DBT: variants seen among roughly 807,000 people sequenced by gnomAD.
DBT encodes dihydrolipoamide branched chain transacylase E2.
Under a neutral mutation model 51.3 loss-of-function variants are expected in DBT, and 40 were observed. The observed-to-expected ratio is 0.78, with a 90% CI of 0.61 to 1.02. The LOEUF is 1.02. DBT is among the 50% of genes least tolerant of loss of function. The pLI is 0.00. For missense variants in DBT, 510 were observed against 580.2 expected (o/e 0.88, Z 1.24); for synonymous variants, 181 against 190.4 (o/e 0.95, Z 0.41).
chr1:100,212,327 A>T (rs779420602), intron 7 of DBT, among the ~76,000 whole-genome samples: 3 of 152,118 alleles, frequency 2.0e-5, no homozygotes, highest in Non-Finnish European at 4.4e-5. Context: ...ATGCTGGCTC[A>T]TCCCTGTAAG....
At chr1:100,207,475 T>G (rs2100781676) in intron 8 of DBT, among the ~76,000 whole-genome samples, 1 of 152,228 alleles carries the variant, frequency 6.6e-6, no homozygotes, top group Non-Finnish European at 1.5e-5. Flanking sequence ...GTTCTCATTT[T>G]ATAATATTTA....
rs775090357 is a variant in DBT, at chr1:100,206,264, G to C, written c.1247C>G (p.Pro416Arg). ...GTFAKPVIMP[P>R]EVAIGALGSI... ...TCCAAGGGCCCCAATGGCTACTTCA[G>C]GTGGCATTATCACTGGTTTGGCAAA... The change falls in exon 10 of 11, where the codon CCT becomes CGT. Residue 416 changes from proline (P) to arginine (R), a missense_variant. Pro to Arg is a moderately radical substitution (Grantham distance 103). Coordinates refer to ENST00000370132, the MANE Select transcript of DBT (RefSeq NM_001918.5). The C allele has an allele frequency of 6.2e-7, 1 of 1,612,290 alleles. No homozygotes were observed. The highest frequency in any genetic ancestry group is 8.5e-7 in the Non-Finnish European group (1 of 1,179,368).
intron 4 of DBT, among the ~76,000 whole-genome samples, chr1:100,226,903 T>G (rs554826835): frequency 1.5e-3 from 221 of 152,352 alleles, no homozygotes; most frequent in African/African-American, 5.2e-3. Context: ...ATGAAATCAG[T>G]TGAAATACTG....
At position 100,190,282 on chromosome 1, in the gene DBT, T is replaced by C. The variant is rs1660750031; in HGVS notation, c.*5973A>G. 6.6e-6 allele frequency: 1 copy of C among 152,192 alleles called. No individual in the cohort carries two copies. The highest frequency in any genetic ancestry group is 2.4e-5 in the African/African-American group (1 of 41,438). 9.4% of individuals were successfully genotyped at this position (152,192 alleles called of 1,614,324 possible). A position where few individuals can be genotyped will look rare whatever the true frequency, so the allele number is the denominator to read the frequency against. On this transcript the variant is annotated 3_prime_UTR_variant, in exon 11 of 11. Transcript: ENST00000370132. Reference sequence around the variant, plus strand: ...ATCTTCAACCTTGAAGGGTGCATGTTGGAGGGGAAGAGATAGAATATGAAG... The same window carrying C: ...ATCTTCAACCTTGAAGGGTGCATGTCGGAGGGGAAGAGATAGAATATGAAG...
At chr1:100,198,462 C>T (rs923031094) in intron 10 of DBT, among the ~76,000 whole-genome samples, 1 of 152,162 alleles carries the variant, frequency 6.6e-6, no homozygotes, top group Non-Finnish European at 1.5e-5. Flanking sequence ...GAACAATGTA[C>T]TTAAAAATGG....
intron 4 of DBT, among the ~76,000 whole-genome samples, chr1:100,223,707 A>ATCCT (rs1450133608): frequency 4.6e-5 from 7 of 152,216 alleles, no homozygotes; most frequent in African/African-American, 1.7e-4. Context: ...GCTTCAAATG[A>ATCCT]TCCTCCTACT....
chr1:100,241,692 A>C (rs979774212), intron 1 of DBT, among the ~76,000 whole-genome samples: 1 of 152,228 alleles, frequency 6.6e-6, no homozygotes, highest in East Asian at 1.9e-4. Flanking sequence ...CCACCATGCC[A>C]GGCCATAATA....
At chr1:100,200,907 AC>A (rs1464102472) in intron 10 of DBT, among the ~76,000 whole-genome samples, 1 of 152,218 alleles carries the variant, frequency 6.6e-6, no homozygotes, top group African/African-American at 2.4e-5. Context: ...TCCAAAGGTC[AC>A]CAACAGCAAA....
intron 10 of DBT, among the ~76,000 whole-genome samples, chr1:100,203,807 C>A (rs560995924): frequency 6.6e-6 from 1 of 152,184 alleles, no homozygotes; most frequent in Non-Finnish European, 1.5e-5. Context: ...ATGTGCAAAT[C>A]AATAAACATA....
chr1:100,213,373 G>C, intron 7 of DBT: 1 of 1,546,342 alleles, frequency 6.5e-7, no homozygotes. Context: ...CGTGAGGCCC[G>C]CACGGCTACG....
intron 5 of DBT, among the ~76,000 whole-genome samples, chr1:100,216,730 C>T (rs563248192): frequency 3.8e-4 from 58 of 152,336 alleles, no homozygotes; most frequent in African/African-American, 1.2e-3. Context: ...ATGTTTCTGA[C>T]ACTGGCTACC....
At chr1:100,244,802 TTAC>T (rs1664446638) in intron 1 of DBT, among the ~76,000 whole-genome samples, 2 of 152,168 alleles carry the variant, frequency 1.3e-5, no homozygotes, top group Non-Finnish European at 2.9e-5. Context: ...TCAAAATATC[TTAC>T]TGTACTGTGC....
chr1:100,207,379 C>T lies in DBT; in HGVS notation c.1018-743G>A, dbSNP rs74321712. ...TGGATGGATTAAGCACCTCAGCATT[C>T]CTTACTATGTGATAAAATACATATA... is the stretch of plus-strand genomic sequence containing the variant. On this transcript the variant is annotated intron_variant, in intron 8 of 10. Transcript: ENST00000370132. 9.2e-3 allele frequency among the ~76,000 whole-genome samples: 1,408 copies of T among 152,220 alleles called. 25 individuals carry two copies. Among genetic ancestry groups the T allele is most frequent in the African/African-American group, 0.033 (1,358 of 41,530 alleles).
intron 3 of DBT, among the ~76,000 whole-genome samples, chr1:100,233,708 C>T (rs527802454): frequency 5.5e-4 from 84 of 152,300 alleles, no homozygotes; most frequent in African/African-American, 1.9e-3. Flanking sequence ...TATAACCTGA[C>T]GCATCCAACC....
rs149374343 is a variant in DBT, at chr1:100,198,789, G to T, written c.1282-2367C>A. Among the ~76,000 whole-genome samples, 106 of 152,250 alleles carry T rather than the reference G, an allele frequency of 7.0e-4. No individual in the cohort carries two copies. In the East Asian group the frequency reaches 0.013, roughly 19 times the overall value. On this transcript the variant is annotated intron_variant, in intron 10 of 10. Coordinates refer to ENST00000370132, the MANE Select transcript of DBT (RefSeq NM_001918.5). Reference sequence around the variant, plus strand: ...AAAGTGGATGCCAGGAAGGGGGAATGACTTAGATGCTAATTTACTATCTGC... The same window carrying T: ...AAAGTGGATGCCAGGAAGGGGGAATTACTTAGATGCTAATTTACTATCTGC...
At position 100,249,794 on chromosome 1, in the gene DBT, G is replaced by C. The variant is rs371418997; in HGVS notation, c.27C>G (p.Thr9=). MAAVRMLR[T]WSRNAGKLIC... is the part of the protein sequence containing the mutation. ...CCAGCTTCCCCGCATTCCTGCTCCA[G>C]GTTCTCAGCATACGGACTGCAGCCA... is the stretch of plus-strand genomic sequence containing the variant. Residue 9 remains threonine (T), a synonymous_variant, in exon 1 of 11, where the codon ACC becomes ACG. Transcript: ENST00000370132. 9 of 1,614,060 alleles carry C rather than the reference G, an allele frequency of 5.6e-6. No homozygotes were observed. The African/African-American group carries it at 6.7e-5, about 12-fold the overall frequency.
In DBT at chr1:100,206,310, T is replaced by TA. The variant is rs398123658; in HGVS notation, c.1210-10dup. 31,640 of 1,360,916 alleles carry TA rather than the reference T, an allele frequency of 0.023. No homozygotes were observed. The highest frequency in any genetic ancestry group is 0.032 in the Middle Eastern group (161 of 5,066). 84.3% of individuals were successfully genotyped at this position (1,360,916 alleles called of 1,614,324 possible). On this transcript the variant is annotated splice_polypyrimidine_tract_variant and intron_variant, in intron 9 of 10. Transcript: ENST00000370132. ...GCAAAGGTACCACCAATCTATTTTT[T>TA]AAAAAAAAAAAAAGGAGAGTATTAA... is the stretch of plus-strand genomic sequence containing the variant.
At chr1:100,237,804 T>TA (rs762832026) in intron 2 of DBT, among the ~76,000 whole-genome samples, 4 of 151,846 alleles carry the variant, frequency 2.6e-5, no homozygotes, top group Admixed American at 1.3e-4. Flanking sequence ...CCCAAGTAAT[T>TA]AAAAAAAATT....
At chr1:100,215,632 C>T (rs1033369157) in intron 6 of DBT, among the ~76,000 whole-genome samples, 1 of 152,018 alleles carries the variant, frequency 6.6e-6, no homozygotes, top group African/African-American at 2.4e-5. Flanking sequence ...ACCAGCCTGG[C>T]CAACATGATG....
Sources: gnomAD v4.1 joint callset for allele counts (sites outside exome capture counted in the v4.1 genomes callset) on GRCh38, gnomAD v4.1.1 for gene constraint, MANE v1.5 for transcripts, NCBI Gene and HGNC (gene_info 2026-07-23, HGNC 2026-07-21) for gene names.